The following PLAC1 variants were observed in gnomAD, a reference collection of about 807,000 sequenced individuals.
The protein encoded by PLAC1 is placenta-specific protein 1.
For missense variants in PLAC1, 136 were observed against 163.2 expected, an observed-to-expected ratio of 0.83 and a Z score of 0.91; for synonymous variants, 68 against 62.1, an observed-to-expected ratio of 1.09 and a Z score of -0.44.
chrX:134,589,989 A>C (rs2078027945), intron 2 of PLAC1, among the ~76,000 whole-genome samples: 2 of 107,599 alleles, frequency 1.9e-5, no homozygotes, highest in Non-Finnish European at 3.8e-5. Flanking sequence ...AGGTCAGGAG[A>C]TCAAGACCAT....
At chrX:134,604,426 G>A (rs1449690875) in intron 1 of PLAC1, 2 of 112,098 alleles carry the variant, frequency 1.8e-5, no homozygotes, top group Non-Finnish European at 3.8e-5. Context: ...TTCACATTCT[G>A]ATGTAAAACA....
At chrX:134,698,906 A>C (rs779893495) in intron 2 of PLAC1, among the ~76,000 whole-genome samples, 23 of 110,914 alleles carry the variant, frequency 2.1e-4, no homozygotes, top group Non-Finnish European at 4.2e-4. Flanking sequence ...ATAATTCAGA[A>C]AATGGCATCA....
rs112203246 is a variant in PLAC1, at chrX:134,726,187, C to T, written n.174+7248G>A. On this transcript the variant is annotated intron_variant and non_coding_transcript_variant, in intron 2 of 2. Coordinates refer to the PLAC1 transcript ENST00000466797. ...TTCCTTCTCACTAGGATGTTTGCAC[C>T]CTCACACACTCCTTTGGCCAATGAT... Among the ~76,000 whole-genome samples the T allele has an allele frequency of 4.5e-3, 503 of 111,359 alleles. 3 individuals are homozygous for T. The highest frequency in any genetic ancestry group is 0.016 in the African/African-American group (484 of 30,607).
intron 2 of PLAC1, among the ~76,000 whole-genome samples, chrX:134,582,023 C>T (rs1602797101): frequency 1.8e-5 from 2 of 112,047 alleles, no homozygotes; most frequent in Admixed American, 9.5e-5. Flanking sequence ...ATGGGTTGTT[C>T]GGAATCATTT....
intron 2 of PLAC1, among the ~76,000 whole-genome samples, chrX:134,696,197 T>C (rs1158169208): frequency 9.0e-6 from 1 of 111,641 alleles, no homozygotes; most frequent in African/African-American, 3.3e-5. Context: ...ACTTGGGCAA[T>C]AGCAGAGGGA....
At chrX:134,755,856 CTTTTTTTTTTT>C (rs776901556) in intron 1 of PLAC1, among the ~76,000 whole-genome samples, 1 of 45,544 alleles carries the variant, frequency 2.2e-5, no homozygotes, top group African/African-American at 1.0e-4. Context: ...CCTTTTCTTT[CTTTTTTTTTTT>C]TTTTTTTTTT....
intron 1 of PLAC1, among the ~76,000 whole-genome samples, chrX:134,736,906 T>C (rs2078704548): frequency 8.9e-6 from 1 of 112,535 alleles, no homozygotes; most frequent in African/African-American, 3.2e-5. Context: ...GAGAAATCCA[T>C]GCCTCTGTTT....
intron 2 of PLAC1, among the ~76,000 whole-genome samples, chrX:134,680,608 C>CTAAACTAAACTAAACTAA (rs1569403933): frequency 9.0e-6 from 1 of 111,061 alleles, no homozygotes; most frequent in African/African-American, 3.3e-5. Context: ...CTAAACTAAA[C>CTAAACTAAACTAAACTAA]ACCTTCCTTC....
At chrX:134,683,314 T>C (rs780199818) in intron 2 of PLAC1, among the ~76,000 whole-genome samples, 2 of 110,642 alleles carry the variant, frequency 1.8e-5, no homozygotes, top group South Asian at 7.8e-4. Flanking sequence ...ACAGAGATCC[T>C]AGAGATGTCA....
intron 1 of PLAC1, among the ~76,000 whole-genome samples, chrX:134,755,075 C>A (rs1367156146): frequency 1.8e-5 from 2 of 111,439 alleles, no homozygotes; most frequent in Non-Finnish European, 3.8e-5. Context: ...TTGATCTAGG[C>A]ACACATTTTA....
chrX:134,720,087 T>G (rs1000490110), intron 2 of PLAC1, among the ~76,000 whole-genome samples: 1 of 108,803 alleles, frequency 9.2e-6, no homozygotes, highest in Non-Finnish European at 2.0e-5. Flanking sequence ...GGCACAACCT[T>G]AGTTAGAAAA....
intron 1 of PLAC1, among the ~76,000 whole-genome samples, chrX:134,735,119 G>A (rs765509478): frequency 2.7e-5 from 3 of 111,438 alleles, no homozygotes; most frequent in East Asian, 2.8e-4. Context: ...CAACCCTTTC[G>A]CACTAAGAAC....
intron 2 of PLAC1, among the ~76,000 whole-genome samples, chrX:134,703,013 C>CA (rs2078588734): frequency 9.0e-6 from 1 of 111,100 alleles, no homozygotes; most frequent in Admixed American, 9.6e-5. Context: ...AGAACACAAC[C>CA]AAAAAAGGTG....
At chrX:134,589,158 G>A (rs780128697) in intron 2 of PLAC1, among the ~76,000 whole-genome samples, 5 of 111,350 alleles carry the variant, frequency 4.5e-5, no homozygotes, top group Admixed American at 1.9e-4. Flanking sequence ...GAAGCCTGAG[G>A]AAGAATATTG....
chrX:134,699,045 A>G (rs1390767011), intron 2 of PLAC1, among the ~76,000 whole-genome samples: 1 of 110,707 alleles, frequency 9.0e-6, no homozygotes, highest in Non-Finnish European at 1.9e-5. Flanking sequence ...TCAAATCTCT[A>G]CCTTTTTGTC....
At chrX:134,608,865 G>A (rs1443020563) in intron 1 of PLAC1, among the ~76,000 whole-genome samples, 5 of 108,877 alleles carry the variant, frequency 4.6e-5, no homozygotes, top group Admixed American at 3.0e-4. Context: ...TAGTAGAGAC[G>A]GGGTTTCACC....
chrX:134,607,067 T>A (rs1479784901), intron 1 of PLAC1: 1 of 112,366 alleles, frequency 8.9e-6, no homozygotes, highest in African/African-American at 3.2e-5. Context: ...GTAATTAAAG[T>A]CACATATCAG....
chrX:134,590,712 AT>A (rs1314043367), intron 2 of PLAC1, among the ~76,000 whole-genome samples: 2 of 110,566 alleles, frequency 1.8e-5, no homozygotes, highest in Non-Finnish European at 3.8e-5. Context: ...GGTTGAAGCG[AT>A]TTTCCCACCA....
chrX:134,709,173 A>G (rs2078620006), intron 2 of PLAC1, among the ~76,000 whole-genome samples: 1 of 112,511 alleles, frequency 8.9e-6, no homozygotes, highest in Non-Finnish European at 1.9e-5. Flanking sequence ...CAAAATCACA[A>G]CAGGATTTTT....
Sources: gnomAD v4.1 joint callset for allele counts (sites outside exome capture counted in the v4.1 genomes callset) on GRCh38, gnomAD v4.1.1 for gene constraint, MANE v1.5 for transcripts, NCBI Gene and HGNC (gene_info 2026-07-23, HGNC 2026-07-21) for gene names.